ATAD2: variants seen among roughly 807,000 people sequenced by gnomAD.
The protein encoded by ATAD2 is ATPase family AAA domain-containing protein 2.
A neutral mutation model predicts 168.9 loss-of-function variants in ATAD2; 62 were observed. The observed-to-expected ratio is 0.37, with a 90% CI of 0.30 to 0.45. The LOEUF (loss-of-function observed/expected upper bound fraction) is 0.45. Ranked by LOEUF, ATAD2 falls within the 20% of genes least tolerant of loss-of-function variation. The pLI, the probability that ATAD2 is intolerant of heterozygous loss-of-function variation, is 1.00. For missense variants in ATAD2, 1,419 were observed against 1,667.8 expected (o/e 0.85, Z 2.60); for synonymous variants, 613 against 571.6 (o/e 1.07, Z -1.03).
At chr8:123,376,627 G>A (rs1212958069) in intron 2 of ATAD2, among the ~76,000 whole-genome samples, 1 of 152,060 alleles carries the variant, frequency 6.6e-6, no homozygotes, top group Non-Finnish European at 1.5e-5. Flanking sequence ...ATTGTATGGT[G>A]TATAAATTAT....
chr8:123,409,122 G>T (rs1476836286), intron 1 of ATAD2, among the ~76,000 whole-genome samples: 1 of 151,950 alleles, frequency 6.6e-6, no homozygotes, highest in East Asian at 1.9e-4. Context: ...CACGGCCCCG[G>T]CTGATATATT....
chr8:123,398,578 C>G (rs2130007455), upstream of ATAD2, among the ~76,000 whole-genome samples: 1 of 152,302 alleles, frequency 6.6e-6, no homozygotes, highest in Admixed American at 6.5e-5. Flanking sequence ...GTGGCGCAGC[C>G]ACGGTTCACT....
chr8:123,396,103 C>T lies in ATAD2; in HGVS notation c.171+84G>A. On this transcript the variant is annotated intron_variant, in intron 1 of 27. Coordinates refer to ENST00000287394, the MANE Select transcript of ATAD2 (RefSeq NM_014109.4). ...CAACTGTCACCCTGACCGGCGCCGC[C>T]CACCCCCAGGCCCCTCCGAGCGCCG... is the stretch of plus-strand genomic sequence containing the variant. The T allele has an allele frequency of 2.1e-6, 3 of 1,405,076 alleles. No homozygotes were observed. In the Admixed American group the frequency reaches 8.5e-5, roughly 40 times the overall value. The allele number at this position is 1,405,076 out of a possible 1,614,324, so 87.0% of individuals were successfully genotyped here.
intron 8 of ATAD2, among the ~76,000 whole-genome samples, chr8:123,364,271 T>A (rs539960769): frequency 2.0e-5 from 3 of 152,120 alleles, no homozygotes; most frequent in Non-Finnish European, 2.9e-5. Flanking sequence ...TAATAACTAG[T>A]AGAGCTGAGC....
intron 22 of ATAD2, among the ~76,000 whole-genome samples, 183 bp downstream of exon 22, chr8:123,336,190 T>A (rs1827908479): frequency 6.6e-6 from 1 of 152,186 alleles, no homozygotes; most frequent in African/African-American, 2.4e-5. Flanking sequence ...TTCCTGGAAG[T>A]GTGACCTTCA....
intron 1 of ATAD2, among the ~76,000 whole-genome samples, chr8:123,390,657 C>T (rs1012218863): frequency 6.6e-6 from 1 of 152,188 alleles, no homozygotes; most frequent in African/African-American, 2.4e-5. Flanking sequence ...AATAAACATA[C>T]AATTTTTAAA....
chr8:123,375,365 A>G (rs115775310), intron 2 of ATAD2, among the ~76,000 whole-genome samples: 204 of 152,342 alleles, frequency 1.3e-3, no homozygotes, highest in African/African-American at 4.7e-3. Flanking sequence ...CGAACACCAA[A>G]AAGGCAGACT....
rs768982248 is a variant in ATAD2 at position 123,339,421 on chromosome 8, T to A, written c.2744A>T (p.Tyr915Phe). The A allele has an allele frequency of 5.6e-6, 9 of 1,594,314 alleles. No homozygotes were observed. The highest frequency in any genetic ancestry group is 7.7e-6 in the Non-Finnish European group (9 of 1,171,178). Residue 915 changes from tyrosine (Y) to phenylalanine (F), a missense_variant, in exon 20 of 28, where the codon TAT becomes TTT. By Grantham distance (22) the Tyr-to-Phe change is conservative. This residue lies in a region of ATAD2 where 545 missense variants were observed against 724.9 expected (regional missense o/e 0.75). Coordinates refer to ENST00000287394, the MANE Select transcript of ATAD2 (RefSeq NM_014109.4). The stretch of plus-strand genomic sequence containing the variant: ...TAACTGGACATTAAAAATCTCTCCA[T>A]AATCACGGATAAACAATTCTTGCAC... Reference protein sequence around the residue: ...EEVQELFIRDYGEIFNVQLPD... With the variant: ...EEVQELFIRDFGEIFNVQLPD...
At chr8:123,355,480 T>C (rs902940974) in intron 13 of ATAD2, among the ~76,000 whole-genome samples, 4 of 152,190 alleles carry the variant, frequency 2.6e-5, no homozygotes, top group Non-Finnish European at 4.4e-5. Context: ...CTTGTAAAAG[T>C]GCTCCCTTGG....
chr8:123,321,419 TATTA>T (rs1166417665), intron 27 of ATAD2, among the ~76,000 whole-genome samples: 2 of 151,194 alleles, frequency 1.3e-5, no homozygotes, highest in Non-Finnish European at 2.9e-5. Flanking sequence ...ATTCAAATAG[TATTA>T]ATCAAGGTAC....
intron 1 of ATAD2, among the ~76,000 whole-genome samples, chr8:123,394,148 T>C (rs1385274600): frequency 6.6e-6 from 1 of 151,890 alleles, no homozygotes; most frequent in African/African-American, 2.4e-5. Flanking sequence ...ATGGTCTTAA[T>C]AGCTGACAAT....
intron 1 of ATAD2, among the ~76,000 whole-genome samples, chr8:123,390,890 T>C (rs899233931): frequency 1.3e-5 from 2 of 152,022 alleles, no homozygotes; most frequent in Non-Finnish European, 1.5e-5. Flanking sequence ...GCGCCTGTAA[T>C]TGGAAGGCGC....
At chr8:123,349,478 A>C in intron 13 of ATAD2, 34 bp from the exon 14 acceptor site, 1 of 1,560,546 alleles carries the variant, frequency 6.4e-7, no homozygotes, top group South Asian at 1.1e-5. Context: ...AGAGATTAAT[A>C]CTATGAACAC....
chr8:123,389,986 T>TATATATATATA (rs58743148), intron 1 of ATAD2, among the ~76,000 whole-genome samples: 2,588 of 66,832 alleles, frequency 0.039, 42 homozygotes, highest in Middle Eastern at 0.07. Context: ...ATATATATAT[T>TATATATATATA]TTTTTTTTTT....
At chr8:123,333,231 CAAAAAAAAAAAAA>C (rs71310667) in intron 24 of ATAD2, among the ~76,000 whole-genome samples, 5 of 43,992 alleles carry the variant, frequency 1.1e-4, no homozygotes, top group Non-Finnish European at 1.5e-4. Flanking sequence ...TCTAAAAATA[CAAAAAAAAAAAAA>C]AAAAAAAAAA....
At chr8:123,359,150 A>G in intron 11 of ATAD2, 71 bp downstream of exon 11, 1 of 1,080,634 alleles carries the variant, frequency 9.3e-7, no homozygotes, top group African/African-American at 1.6e-5. Flanking sequence ...GTTAATAAGC[A>G]AGGTATAAGA....
At chr8:123,391,548 A>G (rs1829827157) in intron 1 of ATAD2, among the ~76,000 whole-genome samples, 1 of 151,610 alleles carries the variant, frequency 6.6e-6, no homozygotes, top group African/African-American at 2.4e-5. Context: ...AATTCAAGTT[A>G]ATGAATTAAA....
In ATAD2 at chr8:123,369,160, C is replaced by G. The variant is rs1829063784; in HGVS notation, c.947G>C (p.Arg316Thr). 1 of 1,540,250 alleles carries G rather than the reference C, an allele frequency of 6.5e-7. No individual in the cohort carries two copies. Among genetic ancestry groups the G allele is most frequent in the African/African-American group, 1.4e-5 (1 of 73,478 alleles). The stretch of plus-strand genomic sequence containing the variant: ...GCCACTATAAAATATGTTGGGCTTT[C>G]TCTGGTGACGAGGTTCTAAAAAAAA... Reference protein sequence around the residue: ...QAPLEKPRHQRKPNIFYSGPA... With the variant: ...QAPLEKPRHQTKPNIFYSGPA... The change falls in exon 8 of 28, where the codon AGA becomes ACA. Residue 316 changes from arginine (R) to threonine (T), a missense_variant. Arg to Thr is a moderately conservative substitution (Grantham distance 71, BLOSUM62 -1). Around this residue, in one of 5 missense-constraint regions of ATAD2, gnomAD observed 419 missense variants for 423.5 expected, o/e 0.99. Transcript: ENST00000287394.
chr8:123,337,867 G>A, intron 20 of ATAD2, 46 bp from the exon 21 acceptor site: 1 of 1,504,268 alleles, frequency 6.6e-7, no homozygotes, highest in Non-Finnish European at 8.9e-7. Context: ...CCATAACATT[G>A]AGGTTGACAA....
Sources: gnomAD v4.1 joint callset for allele counts (sites outside exome capture counted in the v4.1 genomes callset) on GRCh38, gnomAD v4.1.1 for gene constraint, gnomAD v4.1.1 regional missense constraint, MANE v1.5 for transcripts, NCBI Gene and HGNC (gene_info 2026-07-23, HGNC 2026-07-21) for gene names.